Variants in QTMAN observed in about 807,000 individuals in gnomAD.
QTMAN encodes tRNA-queuosine alpha-mannosyltransferase.
chr2:143,989,372 T>C, the QTMAN span, among the ~76,000 whole-genome samples: 2 of 152,178 alleles, frequency 1.3e-5, no homozygotes, highest in Non-Finnish European at 2.9e-5. Context: ...CAAAGAAGTA[T>C]GGTCAAGATA....
At chr2:144,134,366 A>G in the QTMAN span, among the ~76,000 whole-genome samples, 1 of 152,290 alleles carries the variant, frequency 6.6e-6, no homozygotes, top group East Asian at 1.9e-4. Context: ...TTTCAGCTAC[A>G]TAGAAATGAT....
the QTMAN span, among the ~76,000 whole-genome samples, chr2:144,021,435 G>A: frequency 6.6e-6 from 1 of 152,110 alleles, no homozygotes; most frequent in African/African-American, 2.4e-5. Flanking sequence ...TGGTGGATGT[G>A]CTCCCTATAA....
At chr2:144,316,257 C>T in the QTMAN span, among the ~76,000 whole-genome samples, 1 of 151,806 alleles carries the variant, frequency 6.6e-6, no homozygotes, top group African/African-American at 2.4e-5. Context: ...AACGCTGCTG[C>T]TAAGGCCTTG....
chr2:143,973,657 C>T, the QTMAN span, among the ~76,000 whole-genome samples: 12 of 151,966 alleles, frequency 7.9e-5, no homozygotes, highest in African/African-American at 2.4e-4. Flanking sequence ...GGCATGGTGG[C>T]GCACGCTTGT....
the QTMAN span, among the ~76,000 whole-genome samples, chr2:144,183,728 G>A: frequency 1.1e-4 from 16 of 152,252 alleles, no homozygotes; most frequent in African/African-American, 3.9e-4. Context: ...TACATGGCCA[G>A]ATTTGTTAAG....
chr2:144,150,038 G>A, the QTMAN span, among the ~76,000 whole-genome samples: 1 of 151,800 alleles, frequency 6.6e-6, no homozygotes. Context: ...ATTCTTCATG[G>A]GCTAGGTCAC....
At chr2:143,998,438 G>A in the QTMAN span, among the ~76,000 whole-genome samples, 128 of 151,220 alleles carry the variant, frequency 8.5e-4, no homozygotes, top group African/African-American at 3.0e-3. Flanking sequence ...ACAGAAGGGG[G>A]GGGAAAGCTT....
chr2:144,184,821 T>C, the QTMAN span, among the ~76,000 whole-genome samples: 5 of 152,278 alleles, frequency 3.3e-5, no homozygotes, highest in East Asian at 5.8e-4. Flanking sequence ...TAACTCCATA[T>C]ACCTATATAG....
chr2:143,982,913 T>C, the QTMAN span, among the ~76,000 whole-genome samples: 1 of 150,896 alleles, frequency 6.6e-6, no homozygotes, highest in Admixed American at 6.6e-5. Context: ...AACCAATTAC[T>C]TTAGATAGTG....
the QTMAN span, among the ~76,000 whole-genome samples, chr2:144,307,492 A>G: frequency 6.6e-6 from 1 of 152,202 alleles, no homozygotes; most frequent in Non-Finnish European, 1.5e-5. Context: ...GTGCTTTAAC[A>G]CTGTCCTCAT....
chr2:144,224,444 T>G, the QTMAN span, among the ~76,000 whole-genome samples: 4 of 152,316 alleles, frequency 2.6e-5, no homozygotes, highest in East Asian at 7.7e-4. Flanking sequence ...AATGGGACTC[T>G]TATCACAAAC....
At chr2:144,314,273 G>T in the QTMAN span, among the ~76,000 whole-genome samples, 1 of 152,242 alleles carries the variant, frequency 6.6e-6, no homozygotes, top group East Asian at 1.9e-4. Context: ...TTATGTTGAG[G>T]AAAAGAAGTC....
chr2:144,181,611 C>T, the QTMAN span, among the ~76,000 whole-genome samples: 7 of 151,960 alleles, frequency 4.6e-5, no homozygotes, highest in African/African-American at 1.7e-4. Context: ...CCCAGGAGTT[C>T]GAGAACCTGG....
chr2:144,028,598 A>C, the QTMAN span, among the ~76,000 whole-genome samples: 1 of 152,188 alleles, frequency 6.6e-6, no homozygotes, highest in Non-Finnish European at 1.5e-5. Context: ...TGTTGATGAG[A>C]CCACGCTTCC....
At chr2:144,003,434 C>G in the QTMAN span, among the ~76,000 whole-genome samples, 1 of 149,178 alleles carries the variant, frequency 6.7e-6, no homozygotes, top group African/African-American at 2.5e-5. Context: ...AAAAAAAAAA[C>G]CAAGCAGTGC....
At chr2:144,284,251 TC>T in the QTMAN span, among the ~76,000 whole-genome samples, 1 of 151,904 alleles carries the variant, frequency 6.6e-6, no homozygotes. Flanking sequence ...TAGAAATACC[TC>T]CCATGGAAAA....
chr2:144,178,815 G>T, the QTMAN span: 2 of 350,670 alleles, frequency 5.7e-6, no homozygotes, highest in East Asian at 9.5e-5. Context: ...ATCAACTGAT[G>T]CCGGAAGAAA....
At chr2:144,316,742 G>A in the QTMAN span, among the ~76,000 whole-genome samples, 3 of 152,134 alleles carry the variant, frequency 2.0e-5, no homozygotes, top group Non-Finnish European at 2.9e-5. Flanking sequence ...GAAGTCATTC[G>A]TGTTAAAAGC....
At chr2:144,007,359 T>C in the QTMAN span, 2 of 1,613,364 alleles carry the variant, frequency 1.2e-6, no homozygotes, top group Non-Finnish European at 1.7e-6. Context: ...CAAATATTCT[T>C]GTCGTGCAGT....
Sources: gnomAD v4.1 joint callset for allele counts (sites outside exome capture counted in the v4.1 genomes callset) on GRCh38, gnomAD v4.1.1 for gene constraint, MANE v1.5 for transcripts, NCBI Gene and HGNC (gene_info 2026-07-23, HGNC 2026-07-21) for gene names.